The following FABP6 variants were observed in gnomAD, a reference collection of about 807,000 sequenced individuals.
FABP6 encodes the protein gastrotropin.
In FABP6, 13 loss-of-function variants were observed where a neutral mutation model predicts 14.9. The observed-to-expected ratio is 0.87, with a 90% CI of 0.57 to 1.39. The LOEUF (loss-of-function observed/expected upper bound fraction) is 1.39. FABP6 is among the 40% of genes most tolerant of loss of function. FABP6 has a pLI of 0.00. For missense variants in FABP6, 161 were observed against 167.2 expected (o/e 0.96, Z 0.20); for synonymous variants, 75 against 63.6 (o/e 1.18, Z -0.85).
At chr5:160,206,287 G>A (rs76125478) in intron 2 of FABP6, among the ~76,000 whole-genome samples, 8,992 of 152,174 alleles carry the variant, frequency 0.059, 526 homozygotes, top group East Asian at 0.35. Flanking sequence ...AAAAATTAGC[G>A]GGGCATGATG....
chr5:160,228,273 C>A (rs1031828840), upstream of FABP6, among the ~76,000 whole-genome samples: 1 of 152,020 alleles, frequency 6.6e-6, no homozygotes, highest in Non-Finnish European at 1.5e-5. Flanking sequence ...TGCCTGTAAT[C>A]CCAGCTACTC....
intron 1 of FABP6, 104 bp from the exon 2 acceptor site, chr5:160,231,994 G>A (rs1302247483): frequency 7.5e-7 from 1 of 1,336,968 alleles, no homozygotes; most frequent in African/African-American, 1.5e-5. Context: ...AGCCTATCAT[G>A]CACAAGGGGG....
chr5:160,215,692 A>AAAG (rs1759996330), intron 3 of FABP6, among the ~76,000 whole-genome samples: 1 of 95,600 alleles, frequency 1.0e-5, no homozygotes, highest in Non-Finnish European at 2.6e-5. Flanking sequence ...TGTCAAAAAA[A>AAAG]AAAAAAGAAA....
At chr5:160,238,242 G>C (rs1371291619) in intron 3 of FABP6, among the ~76,000 whole-genome samples, 1 of 152,162 alleles carries the variant, frequency 6.6e-6, no homozygotes, top group African/African-American at 2.4e-5. Context: ...GGCCTTGGAA[G>C]GATTACTTGA....
At chr5:160,215,263 C>T (rs530438842) in intron 3 of FABP6, among the ~76,000 whole-genome samples, 18 of 152,296 alleles carry the variant, frequency 1.2e-4, no homozygotes, top group Middle Eastern at 3.4e-3. Context: ...CCTGTAATCC[C>T]GGCACTTTGG....
At chr5:160,218,221 C>G (rs1760056961) in intron 3 of FABP6, among the ~76,000 whole-genome samples, 1 of 152,136 alleles carries the variant, frequency 6.6e-6, no homozygotes. Flanking sequence ...GCCACCACCC[C>G]TGGCTGAACT....
intron 2 of FABP6, among the ~76,000 whole-genome samples, chr5:160,203,741 G>C (rs530612268): frequency 7.1e-6 from 1 of 141,114 alleles, no homozygotes; most frequent in Non-Finnish European, 1.5e-5. Flanking sequence ...TGCTCTTGTT[G>C]CTCAGGCTGG....
chr5:160,229,467 C>T, upstream of FABP6: 2 of 1,599,860 alleles, frequency 1.3e-6, no homozygotes, highest in Non-Finnish European at 1.7e-6. Flanking sequence ...GCCTCAGCAA[C>T]TGGGAGAGTT....
At chr5:160,191,715 A>G (rs1209692391) in intron 1 of FABP6, among the ~76,000 whole-genome samples, 2 of 150,654 alleles carry the variant, frequency 1.3e-5, no homozygotes, top group East Asian at 4.0e-4. Context: ...TAATCCCAGC[A>G]CTTTGGGAGG....
At chr5:160,202,754 GCAC>G (rs951564629) in intron 2 of FABP6, among the ~76,000 whole-genome samples, 1 of 144,170 alleles carries the variant, frequency 6.9e-6, no homozygotes, top group Non-Finnish European at 1.5e-5. Flanking sequence ...CAGTGAGATT[GCAC>G]CACTGCACTC....
At chr5:160,203,007 TTC>T (rs1278874040) in intron 2 of FABP6, among the ~76,000 whole-genome samples, 1 of 150,228 alleles carries the variant, frequency 6.7e-6, no homozygotes, top group Non-Finnish European at 1.5e-5. Flanking sequence ...GTTCAAGCGA[TTC>T]TCCTGCCTCA....
intron 1 of FABP6, chr5:160,198,233 G>T (rs1173544737): frequency 6.6e-6 from 1 of 152,072 alleles, no homozygotes; most frequent in Non-Finnish European, 1.5e-5. Flanking sequence ...TTACCTGAGG[G>T]AGATGATTCA....
At position 160,217,636 on chromosome 5, in the gene FABP6, T is replaced by TA. The variant is rs771493936; in HGVS notation, c.135+3817_135+3818insA. On this transcript the variant is annotated intron_variant, in intron 3 of 6. Coordinates refer to the FABP6 transcript ENST00000393980. ...ATTTTATCTTATTTATTTATTTATT[T>TA]TATTATTATTATTATTTTTGGACAG... 4.0e-5 allele frequency among the ~76,000 whole-genome samples: 6 copies of TA among 151,674 alleles called. 1 individual carries two copies. In the East Asian group the frequency reaches 7.7e-4, roughly 19 times the overall value.
intron 1 of FABP6, among the ~76,000 whole-genome samples, chr5:160,192,561 G>A (rs963313667): frequency 2.0e-5 from 3 of 152,198 alleles, no homozygotes; most frequent in African/African-American, 4.8e-5. Flanking sequence ...CCTCTCTATG[G>A]GAAATCATGA....
intron 3 of FABP6, among the ~76,000 whole-genome samples, chr5:160,219,891 G>C (rs6868047): frequency 0.39 from 59,795 of 151,886 alleles, 12,091 homozygotes; most frequent in Middle Eastern, 0.44. Flanking sequence ...ATTTTGGGGG[G>C]TCAGGTCACA....
chr5:160,215,069 T>G (rs574020340), intron 3 of FABP6, among the ~76,000 whole-genome samples: 6 of 152,232 alleles, frequency 3.9e-5, no homozygotes, highest in Non-Finnish European at 8.8e-5. Flanking sequence ...ACACATAGTT[T>G]TGAATAATGC....
upstream of FABP6, chr5:160,229,347 G>GT: frequency 8.2e-7 from 1 of 1,213,126 alleles, no homozygotes; most frequent in Non-Finnish European, 1.1e-6. Context: ...ACTTCCCCAG[G>GT]GTGAATAACC....
intron 2 of FABP6, among the ~76,000 whole-genome samples, chr5:160,199,489 G>C (rs921887741): frequency 6.6e-6 from 1 of 152,030 alleles, no homozygotes; most frequent in African/African-American, 2.4e-5. Context: ...GCGCCACCCC[G>C]GGCCGTGCCG....
chr5:160,218,650 G>A (rs1031167743), intron 3 of FABP6, among the ~76,000 whole-genome samples: 48 of 151,440 alleles, frequency 3.2e-4, no homozygotes, highest in African/African-American at 1.1e-3. Flanking sequence ...TAGTAGAGAC[G>A]GGGTTTCGCC....
Sources: gnomAD v4.1 joint callset for allele counts (sites outside exome capture counted in the v4.1 genomes callset) on GRCh38, gnomAD v4.1.1 for gene constraint, MANE v1.5 for transcripts, NCBI Gene and HGNC (gene_info 2026-07-23, HGNC 2026-07-21) for gene names.